Variants in MKLN1 observed in about 807,000 individuals in gnomAD.
The protein encoded by MKLN1 is muskelin.
Under a neutral mutation model 99.0 loss-of-function variants are expected in MKLN1, and 18 were observed. The ratio of observed to expected loss-of-function variants is 0.18; its 90% CI spans 0.13 to 0.27. MKLN1 has a LOEUF of 0.27. Among genes scored for constraint, MKLN1 ranks in the 10% least tolerant of loss-of-function variants. The probability of loss-of-function intolerance (pLI) is 1.00; values close to 1 mark genes in which losing one functional copy is unlikely to be tolerated. For missense variants in MKLN1, 621 were observed against 875.9 expected, an observed-to-expected ratio of 0.71 and a Z score of 3.67; for synonymous variants, 288 against 293.2, an observed-to-expected ratio of 0.98 and a Z score of 0.18.
upstream of MKLN1, among the ~76,000 whole-genome samples, chr7:131,324,762 G>C (rs968514191): frequency 1.3e-5 from 2 of 152,192 alleles, no homozygotes; most frequent in Admixed American, 1.3e-4. Flanking sequence ...GTTCAAAAGT[G>C]GGGGAGAAGG....
chr7:131,355,672 GTT>G, intron 1 of MKLN1, among the ~76,000 whole-genome samples: 1 of 124,142 alleles, frequency 8.1e-6, no homozygotes, highest in African/African-American at 3.2e-5. Context: ...GGGGTTTTTT[GTT>G]TTTTTTTTTT....
upstream of MKLN1, among the ~76,000 whole-genome samples, chr7:131,325,908 G>A (rs576493429): frequency 1.2e-4 from 17 of 147,664 alleles, no homozygotes; most frequent in East Asian, 6.2e-4. Context: ...AGTGGGGGGG[G>A]GGTGGTGGTG....
intron 3 of MKLN1, among the ~76,000 whole-genome samples, chr7:131,388,442 A>G (rs2116886529): frequency 6.6e-6 from 1 of 152,338 alleles, no homozygotes; most frequent in African/African-American, 2.4e-5. Context: ...GTTGAACTAT[A>G]AAAGAAACAT....
intron 3 of MKLN1, among the ~76,000 whole-genome samples, chr7:131,230,982 GT>G (rs1797233098): frequency 1.3e-5 from 2 of 151,810 alleles, no homozygotes; most frequent in South Asian, 4.2e-4. Flanking sequence ...TTAGCTGGGC[GT>G]GGTGGTGACG....
intron 8 of MKLN1, among the ~76,000 whole-genome samples, chr7:131,426,238 C>G (rs1795352733): frequency 6.6e-6 from 1 of 152,122 alleles, no homozygotes; most frequent in Non-Finnish European, 1.5e-5. Context: ...CATTGAGAAC[C>G]CAGAGCCCAA....
rs550649113 is a variant in MKLN1 at position 131,214,102 on chromosome 7, A to G, written c.-179+11128A>G. Among the ~76,000 whole-genome samples, 58 of 152,330 alleles carry G rather than the reference A, an allele frequency of 3.8e-4. 1 individual carries two copies. The highest frequency in any genetic ancestry group is 1.4e-3 in the Admixed American group (22 of 15,292). On this transcript the variant is annotated intron_variant, in intron 3 of 7. Transcript: ENST00000416992. ...ACCAACTTAAACTTACTGTGACATG[A>G]AACAGGAAATATGTATATAATTATT...
intron 1 of MKLN1, among the ~76,000 whole-genome samples, chr7:131,136,211 T>C (rs551697093): frequency 2.0e-5 from 3 of 152,330 alleles, no homozygotes; most frequent in East Asian, 1.9e-4. Context: ...GTGGGGTTCC[T>C]GAGAATAAGC....
intron 2 of MKLN1, among the ~76,000 whole-genome samples, chr7:131,195,658 T>C (rs181528225): frequency 4.6e-5 from 7 of 152,238 alleles, no homozygotes; most frequent in Non-Finnish European, 8.8e-5. Flanking sequence ...GGGAGACTGT[T>C]AATAGTAGTT....
Position 131,397,324 on chromosome 7 carries a change from G to A in MKLN1, c.458G>A (p.Ser153Asn). The change falls in exon 5 of 18, where the codon AGT (serine) becomes AAT (asparagine). Residue 153 changes from serine to asparagine, a missense_variant. Transcript: ENST00000352689. ...TTTAGCATCTGGTATGTTGAACTTA[G>A]TGGCATTGATGATCCTGATATAGTA... ...FNFSIWYVEL[S>N]GIDDPDIVQP... is the part of the protein sequence containing the mutation. The A allele has an allele frequency of 1.9e-6, 3 of 1,613,452 alleles. No homozygotes were observed. The highest frequency in any genetic ancestry group is 2.5e-6 in the Non-Finnish European group (3 of 1,179,622).
chr7:131,141,460 C>G (rs562773152), intron 1 of MKLN1, among the ~76,000 whole-genome samples: 1 of 152,186 alleles, frequency 6.6e-6, no homozygotes. Flanking sequence ...TAATCTATCA[C>G]GACTTTCAGT....
chr7:131,299,273 C>G (rs1271725998), intron 3 of MKLN1, among the ~76,000 whole-genome samples: 1 of 152,180 alleles, frequency 6.6e-6, no homozygotes, highest in Non-Finnish European at 1.5e-5. Context: ...CACTCAACTA[C>G]TGTTTTTAGC....
At chr7:131,364,321 A>G (rs1800115145) in intron 1 of MKLN1, among the ~76,000 whole-genome samples, 2 of 152,226 alleles carry the variant, frequency 1.3e-5, no homozygotes, top group South Asian at 2.1e-4. Flanking sequence ...TGTAGCTATA[A>G]TCAAAAACTT....
chr7:131,395,221 T>A (rs1794321944), intron 4 of MKLN1, among the ~76,000 whole-genome samples: 1 of 152,038 alleles, frequency 6.6e-6, no homozygotes, highest in South Asian at 2.1e-4. Context: ...TCATAGGTTG[T>A]CTGTTTTTCT....
chr7:131,249,004 T>A lies in MKLN1; in HGVS notation c.-179+46030T>A, dbSNP rs532138178. Among the ~76,000 whole-genome samples the A allele has an allele frequency of 5.3e-5, 8 of 152,356 alleles. No individual in the cohort carries two copies. The East Asian group carries it at 1.5e-3, about 29-fold the overall frequency. On this transcript the variant is annotated intron_variant, in intron 3 of 7. Transcript: ENST00000416992. ...CAAGAAACCCTCTCCTGGAGAAACATAACTGGTCTTTTCCATTCCTGAGAT... is the reference window on the plus strand; with the variant it reads ...CAAGAAACCCTCTCCTGGAGAAACAAAACTGGTCTTTTCCATTCCTGAGAT...
intron 13 of MKLN1, 140 bp downstream of exon 13, chr7:131,463,504 A>G (rs1002697184): frequency 1.0e-4 from 87 of 839,540 alleles, no homozygotes; most frequent in African/African-American, 2.4e-4. Context: ...AAAAAAATCA[A>G]TATCGGTACC....
chr7:131,486,231 G>A (rs539544325), intron 17 of MKLN1, among the ~76,000 whole-genome samples: 4 of 146,226 alleles, frequency 2.7e-5, no homozygotes, highest in Admixed American at 2.7e-4. Flanking sequence ...AAAATAAAAA[G>A]TTGAAAAAGA....
chr7:131,366,944 C>T (rs1800199553), intron 1 of MKLN1, among the ~76,000 whole-genome samples: 2 of 152,126 alleles, frequency 1.3e-5, no homozygotes, highest in South Asian at 4.1e-4. Flanking sequence ...ATTATCTTCT[C>T]ATGGTGAATT....
At chr7:131,407,112 C>T (rs897803488) in intron 6 of MKLN1, among the ~76,000 whole-genome samples, 2 of 151,998 alleles carry the variant, frequency 1.3e-5, no homozygotes, top group Non-Finnish European at 2.9e-5. Context: ...ATTTCCACTA[C>T]TATATTATTT....
chr7:131,349,289 A>C (rs1584634024), intron 1 of MKLN1, among the ~76,000 whole-genome samples: 1 of 151,504 alleles, frequency 6.6e-6, no homozygotes, highest in African/African-American at 2.4e-5. Context: ...TCTACCTCCC[A>C]GGTTCAAGCA....
Sources: gnomAD v4.1 joint callset for allele counts (sites outside exome capture counted in the v4.1 genomes callset) on GRCh38, gnomAD v4.1.1 for gene constraint, MANE v1.5 for transcripts, NCBI Gene and HGNC (gene_info 2026-07-23, HGNC 2026-07-21) for gene names.